The following TTC13 variants were observed in gnomAD, a reference collection of about 807,000 sequenced individuals.
TTC13 encodes the protein tetratricopeptide repeat protein 13.
TTC13 carries 62 observed loss-of-function variants against 120.0 expected under a neutral mutation model. That is an observed-to-expected ratio of 0.52 (90% CI 0.42 to 0.64). TTC13 has a LOEUF of 0.64. Ranked by LOEUF, TTC13 falls within the 30% of genes least tolerant of loss-of-function variation. The pLI is 0.00. For synonymous variants in TTC13, 384 were observed against 393.5 expected (o/e 0.98, Z 0.28); for missense variants, 824 against 1,050.2 (o/e 0.78, Z 2.98).
At chr1:230,973,274 A>G (rs886377317) in intron 1 of TTC13, among the ~76,000 whole-genome samples, 7 of 152,204 alleles carry the variant, frequency 4.6e-5, no homozygotes, top group African/African-American at 1.4e-4. Flanking sequence ...GCTGTGAGCA[A>G]AAAGACTGAC....
At chr1:230,928,445 G>A (rs1673240096) in intron 12 of TTC13, among the ~76,000 whole-genome samples, 1 of 152,108 alleles carries the variant, frequency 6.6e-6, no homozygotes, top group African/African-American at 2.4e-5. Context: ...TATAAACAAT[G>A]AGCTTGCTAA....
At chr1:230,908,396 C>T (rs1477105481) in intron 22 of TTC13, 1 of 472,520 alleles carries the variant, frequency 2.1e-6, no homozygotes, top group Admixed American at 2.3e-5. Flanking sequence ...CACTATGTTG[C>T]CCAGGCTGGT....
intron 1 of TTC13, among the ~76,000 whole-genome samples, chr1:230,974,331 T>C (rs1678048297): frequency 6.6e-6 from 1 of 152,198 alleles, no homozygotes; most frequent in Admixed American, 6.5e-5. Flanking sequence ...AGGCATGTAT[T>C]ACTGGGCCCT....
In TTC13 at chr1:230,947,861, C is replaced by T. The variant is rs538494933; in HGVS notation, c.514-2407G>A. ...ACTGGCATCCCCGCACACCCGTGGC[C>T]GGGGCTGGTGCTCTGGCATCCTCCT... On this transcript the variant is annotated intron_variant, in intron 4 of 22. Transcript: ENST00000366661. Among the ~76,000 whole-genome samples the T allele has an allele frequency of 7.2e-5, 11 of 152,246 alleles. No individual in the cohort carries two copies. In the East Asian group the frequency reaches 7.7e-4, roughly 11 times the overall value.
At chr1:230,961,099 T>C (rs530148036) in intron 2 of TTC13, 110 bp downstream of exon 2, 49 of 722,442 alleles carry the variant, frequency 6.8e-5, no homozygotes, top group Non-Finnish European at 8.5e-5. Context: ...CCTATGCATG[T>C]AGACTCAACG....
chr1:230,947,499 T>C (rs540707909), intron 4 of TTC13, among the ~76,000 whole-genome samples: 12 of 152,018 alleles, frequency 7.9e-5, no homozygotes, highest in African/African-American at 2.7e-4. Flanking sequence ...TGGGCCACAT[T>C]GGGAAAAGAA....
intron 12 of TTC13, among the ~76,000 whole-genome samples, chr1:230,927,109 C>G (rs1212306844): frequency 6.6e-6 from 1 of 152,170 alleles, no homozygotes; most frequent in Non-Finnish European, 1.5e-5. Flanking sequence ...CATTGTGTGA[C>G]TGTATCACAT....
intron 1 of TTC13, among the ~76,000 whole-genome samples, chr1:230,970,285 T>A (rs549022271): frequency 6.6e-6 from 1 of 152,164 alleles, no homozygotes; most frequent in Non-Finnish European, 1.5e-5. Flanking sequence ...AAGCTAACCA[T>A]AGAAGGTCCA....
At chr1:230,914,487 T>C (rs542218825) in intron 18 of TTC13, among the ~76,000 whole-genome samples, 2 of 152,142 alleles carry the variant, frequency 1.3e-5, no homozygotes, top group South Asian at 2.1e-4. Context: ...CTCCCCGTCA[T>C]GGGTTCAAGC....
intron 1 of TTC13, among the ~76,000 whole-genome samples, chr1:230,961,828 G>A (rs947318089): frequency 6.6e-6 from 1 of 152,132 alleles, no homozygotes; most frequent in Non-Finnish European, 1.5e-5. Context: ...AGATCCTTCA[G>A]TCGAACAATC....
Position 230,958,304 on chromosome 1 carries a change from GAAAA to G in TTC13, c.367-9_367-6del, listed in dbSNP as rs60736833. 25 of 1,449,692 alleles carry G rather than the reference GAAAA, an allele frequency of 1.7e-5. No homozygotes were observed. The highest frequency in any genetic ancestry group is 6.8e-5 in the Admixed American group (3 of 43,846). 89.8% of individuals were successfully genotyped at this position (1,449,692 alleles called of 1,614,324 possible). On this transcript the variant is annotated splice_polypyrimidine_tract_variant and splice_region_variant and intron_variant, in intron 2 of 22. Transcript: ENST00000366661. ...TGCAATAGACTTGGCCTGGCTCTGGGAAAAAAAAAAAAAAAACCCATACATTTTA... is the reference window on the plus strand; with the variant it reads ...TGCAATAGACTTGGCCTGGCTCTGGGAAAAAAAAAAAACCCATACATTTTA...
intron 17 of TTC13, among the ~76,000 whole-genome samples, chr1:230,918,542 T>C (rs1296463707): frequency 6.6e-6 from 1 of 152,168 alleles, no homozygotes; most frequent in African/African-American, 2.4e-5. Flanking sequence ...GTGAAGTTCA[T>C]CTTAGTGCAA....
rs1678612457 is a variant in TTC13 at position 230,978,511 on chromosome 1, G to C, written c.271+49C>G. On this transcript the variant is annotated intron_variant, in intron 1 of 22. Coordinates refer to ENST00000366661, the MANE Select transcript of TTC13 (RefSeq NM_024525.5). The surrounding 1 kb of genome is among the most constrained non-coding windows in gnomAD (Gnocchi z 5.6). ...TACCCCGGCCCGGGACCCCAGCCCC[G>C]CTGCCCCGCCGCCCCGGCCGACTCG... 1 of 584,072 alleles carries C rather than the reference G, an allele frequency of 1.7e-6. No individual in the cohort carries two copies. Among genetic ancestry groups the C allele is most frequent in the Non-Finnish European group, 2.5e-6 (1 of 396,606 alleles). 36.2% of individuals were successfully genotyped at this position (584,072 alleles called of 1,614,324 possible).
intron 6 of TTC13, among the ~76,000 whole-genome samples, chr1:230,943,274 G>A (rs775704711): frequency 6.6e-6 from 1 of 150,884 alleles, no homozygotes; most frequent in Non-Finnish European, 1.5e-5. Context: ...TATACTTTAA[G>A]TTTTAGGGTA....
At chr1:230,914,316 G>T (rs1242612640) in intron 18 of TTC13, among the ~76,000 whole-genome samples, 2 of 152,000 alleles carry the variant, frequency 1.3e-5, no homozygotes, top group Non-Finnish European at 2.9e-5. Flanking sequence ...CCTACTCAAC[G>T]TGAAGATAGT....
chr1:230,925,585 G>A lies in TTC13; in HGVS notation c.1520C>T (p.Ala507Val), dbSNP rs1338375422. Residue 507 changes from alanine (A) to valine (V), a missense_variant, in exon 13 of 23, where the codon GCT (alanine) becomes GTT (valine). Ala to Val is a moderately conservative substitution (Grantham distance 64). Coordinates refer to ENST00000366661, the MANE Select transcript of TTC13 (RefSeq NM_024525.5). ...KPEVQELICV[A>V]DRLGSLMQYE... ...TTGCATCAGGGATCCCAAACGATCAGCCACACAAATCAGCTCCTGTACTTC... is the reference window on the plus strand; with the variant it reads ...TTGCATCAGGGATCCCAAACGATCAACCACACAAATCAGCTCCTGTACTTC... 1.2e-6 allele frequency: 2 copies of A among 1,613,968 alleles called. No individual in the cohort carries two copies. Among genetic ancestry groups the A allele is most frequent in the Non-Finnish European group, 1.7e-6 (2 of 1,179,992 alleles).
intron 1 of TTC13, among the ~76,000 whole-genome samples, chr1:230,968,376 A>T: frequency 6.6e-6 from 1 of 151,924 alleles, no homozygotes; most frequent in Non-Finnish European, 1.5e-5. Flanking sequence ...CTGCTGCTTT[A>T]TTTCTAATTC....
In TTC13 at chr1:230,924,991, C is replaced by T. The variant is rs767377821; in HGVS notation, c.1589-18G>A. 6 of 1,613,860 alleles carry T rather than the reference C, an allele frequency of 3.7e-6. No individual in the cohort carries two copies. Among genetic ancestry groups the T allele is most frequent in the Middle Eastern group, 1.6e-4 (1 of 6,084 alleles). ...ACCCATAGCTACGAGAAAGGAATAT[C>T]GAGAAGAGTTAGTACACTTTAGAGG... On this transcript the variant is annotated intron_variant, in intron 13 of 22. Transcript: ENST00000366661.
intron 12 of TTC13, among the ~76,000 whole-genome samples, chr1:230,926,124 G>C (rs1673030066): frequency 6.6e-6 from 1 of 152,054 alleles, no homozygotes; most frequent in African/African-American, 2.4e-5. Context: ...TAAATTACAG[G>C]TTGTTCTGGG....
Sources: gnomAD v4.1 joint callset for allele counts (sites outside exome capture counted in the v4.1 genomes callset) on GRCh38, gnomAD v4.1.1 for gene constraint, Gnocchi (gnomAD v3.1) non-coding constraint, MANE v1.5 for transcripts, NCBI Gene and HGNC (gene_info 2026-07-23, HGNC 2026-07-21) for gene names.